Variants in HECW2 observed in about 807,000 individuals in gnomAD.
HECW2 encodes E3 ubiquitin-protein ligase HECW2.
HECW2 carries 61 observed loss-of-function variants against 175.2 expected under a neutral mutation model. The observed-to-expected ratio is 0.35, with a 90% CI of 0.28 to 0.43. The LOEUF (loss-of-function observed/expected upper bound fraction) is 0.43, where lower values mean the gene tolerates loss of function less well. Among genes scored for constraint, HECW2 ranks in the 20% least tolerant of loss-of-function variants. The pLI, the probability that HECW2 is intolerant of heterozygous loss-of-function variation, is 1.00. For missense variants in HECW2, 1,524 were observed against 2,000.5 expected, an observed-to-expected ratio of 0.76 and a Z score of 4.54; for synonymous variants, 671 against 731.0, an observed-to-expected ratio of 0.92 and a Z score of 1.32.
intron 16 of HECW2, among the ~76,000 whole-genome samples, chr2:196,272,214 C>A (rs1362556423): frequency 6.6e-6 from 1 of 152,154 alleles, no homozygotes; most frequent in Admixed American, 6.6e-5. Flanking sequence ...CATTAAGCCA[C>A]AAATAGCTCT....
intron 2 of HECW2, among the ~76,000 whole-genome samples, chr2:196,414,251 C>G (rs530810200): frequency 1.3e-5 from 2 of 152,324 alleles, no homozygotes; most frequent in South Asian, 4.1e-4. Context: ...CAACATTTCC[C>G]CCAACAGCAC....
In HECW2 at chr2:196,274,114, C is replaced by T. The variant is rs752907605; in HGVS notation, c.3145G>A (p.Asp1049Asn). ...ACTGGTGGTCCTGCATGTCGAGAAT[C>T]TTCTCCTACCTGCAAACAGAAGCAT... ...RSHSAGEVGE[D>N]SRHAGPPVLP... Residue 1049 changes from aspartate to asparagine, a missense_variant, in exon 16 of 29, where the codon GAT (aspartate) becomes AAT (asparagine). By Grantham distance (23) the Asp-to-Asn change is conservative. Around this residue, in one of 11 missense-constraint regions of HECW2, gnomAD observed 291 missense variants for 412.2 expected, o/e 0.71. Coordinates refer to ENST00000644978, the MANE Select transcript of HECW2 (RefSeq NM_001348768.2). The T allele has an allele frequency of 6.2e-7, 1 of 1,612,894 alleles. No homozygotes were observed. The highest frequency in any genetic ancestry group is 8.5e-7 in the Non-Finnish European group (1 of 1,178,888).
At position 196,324,974 on chromosome 2, in the gene HECW2, T is replaced by C. The variant is rs1473067795; in HGVS notation, c.741+6A>G. On this transcript the variant is annotated splice_donor_region_variant and intron_variant, in intron 6 of 28. Coordinates refer to ENST00000644978, the MANE Select transcript of HECW2 (RefSeq NM_001348768.2). ...TCAAGTAGGAGACCCCCGAGGATCA[T>C]CTTACCTCTCGGTGCCAAATTGGAT... 3 of 1,563,254 alleles carry C rather than the reference T, an allele frequency of 1.9e-6. No homozygotes were observed. Among genetic ancestry groups the C allele is most frequent in the Non-Finnish European group, 2.6e-6 (3 of 1,158,968 alleles).
intron 1 of HECW2, among the ~76,000 whole-genome samples, chr2:196,519,920 A>G (rs1293099340): frequency 1.3e-5 from 2 of 152,202 alleles, no homozygotes; most frequent in Non-Finnish European, 2.9e-5. Flanking sequence ...CTTCCCTCCA[A>G]TCCACACTAG....
At chr2:196,245,043 C>A (rs1485429074) in intron 19 of HECW2, among the ~76,000 whole-genome samples, 1 of 152,030 alleles carries the variant, frequency 6.6e-6, no homozygotes, top group Non-Finnish European at 1.5e-5. Flanking sequence ...GGAGTTGTTG[C>A]AGTAATTGAA....
chr2:196,243,650 G>A (rs983473827), intron 19 of HECW2, among the ~76,000 whole-genome samples: 3 of 151,342 alleles, frequency 2.0e-5, no homozygotes, highest in Non-Finnish European at 4.4e-5. Context: ...GTGTGATCTC[G>A]GCTAACCCAA....
intron 2 of HECW2, among the ~76,000 whole-genome samples, chr2:196,403,581 T>C (rs1444892229): frequency 6.6e-6 from 1 of 152,246 alleles, no homozygotes; most frequent in Non-Finnish European, 1.5e-5. Flanking sequence ...ACATTATTTA[T>C]TTAAGAAGAC....
rs554072486 is a variant in HECW2 at position 196,198,699 on chromosome 2, G to A, written c.*2578C>T. Reference sequence around the variant, plus strand: ...GAAAGCCTAGTTATCTGGGTTCACAGTCCAGAAGAAAATATTTATGGATAT... The same window carrying A: ...GAAAGCCTAGTTATCTGGGTTCACAATCCAGAAGAAAATATTTATGGATAT... On this transcript the variant is annotated 3_prime_UTR_variant, in exon 29 of 29. Coordinates refer to ENST00000644978, the MANE Select transcript of HECW2 (RefSeq NM_001348768.2). 1.3e-5 allele frequency: 2 copies of A among 152,294 alleles called. No individual in the cohort carries two copies. The highest frequency in any genetic ancestry group is 4.8e-5 in the African/African-American group (2 of 41,570). The allele number at this position is 152,294 out of a possible 1,614,324, so 9.4% of individuals were successfully genotyped here.
chr2:196,498,819 TTCC>T, intron 1 of HECW2, among the ~76,000 whole-genome samples: 1 of 152,162 alleles, frequency 6.6e-6, no homozygotes, highest in Admixed American at 6.5e-5. Flanking sequence ...GATTTATAAC[TTCC>T]TCAATTGCTT....
In HECW2 at chr2:196,470,365, G is replaced by A. The variant is rs543190580; in HGVS notation, c.-35-36907C>T. On this transcript the variant is annotated intron_variant, in intron 1 of 28. Coordinates refer to ENST00000644978, the MANE Select transcript of HECW2 (RefSeq NM_001348768.2). ...AAGTAAATAAATGGGTCATAGTAAGGCTGATTTGTTAACACTGCTAAATTT... is the reference window on the plus strand; with the variant it reads ...AAGTAAATAAATGGGTCATAGTAAGACTGATTTGTTAACACTGCTAAATTT... Among the ~76,000 whole-genome samples the A allele has an allele frequency of 1.1e-3, 171 of 152,148 alleles. 1 individual carries two copies. Among genetic ancestry groups the A allele is most frequent in the African/African-American group, 4.1e-3 (170 of 41,536 alleles).
At chr2:196,499,967 A>G (rs1250389170) in intron 1 of HECW2, among the ~76,000 whole-genome samples, 1 of 152,166 alleles carries the variant, frequency 6.6e-6, no homozygotes, top group Non-Finnish European at 1.5e-5. Context: ...TATTACATTT[A>G]TACTCTTTTC....
intron 1 of HECW2, among the ~76,000 whole-genome samples, chr2:196,494,832 T>C (rs1687333713): frequency 6.6e-6 from 1 of 152,204 alleles, no homozygotes; most frequent in African/African-American, 2.4e-5. Context: ...GAGCATTTGA[T>C]GAGGCTGCTG....
At chr2:196,311,519 G>A (rs762707366) in intron 10 of HECW2, among the ~76,000 whole-genome samples, 11 of 152,138 alleles carry the variant, frequency 7.2e-5, no homozygotes, top group Non-Finnish European at 1.5e-4. Context: ...CTCAGCGGCC[G>A]GGTGCGGTGG....
chr2:196,280,263 A>G (rs1690135758), intron 14 of HECW2, among the ~76,000 whole-genome samples: 1 of 152,230 alleles, frequency 6.6e-6, no homozygotes, highest in South Asian at 2.1e-4. Context: ...TGACCTTTCA[A>G]ACCAATGGAG....
intron 28 of HECW2, among the ~76,000 whole-genome samples, chr2:196,202,628 A>G (rs921673729): frequency 6.6e-6 from 1 of 152,202 alleles, no homozygotes; most frequent in Non-Finnish European, 1.5e-5. Context: ...TACTATCAAC[A>G]AGATTTGACT....
intron 1 of HECW2, among the ~76,000 whole-genome samples, chr2:196,437,533 A>G (rs1695912981): frequency 7.1e-6 from 1 of 140,428 alleles, no homozygotes; most frequent in Admixed American, 8.0e-5. Context: ...AATCGCTTGA[A>G]CCAGGGAGGT....
intron 1 of HECW2, among the ~76,000 whole-genome samples, chr2:196,514,746 G>A (rs1688087621): frequency 6.6e-6 from 1 of 152,088 alleles, no homozygotes; most frequent in Non-Finnish European, 1.5e-5. Flanking sequence ...TCATTGGGAC[G>A]ACCTGCTTGC....
intron 17 of HECW2, among the ~76,000 whole-genome samples, chr2:196,268,779 A>T (rs1022181146): frequency 6.6e-6 from 1 of 152,212 alleles, no homozygotes; most frequent in African/African-American, 2.4e-5. Flanking sequence ...AGAGAGAGAA[A>T]ATAGAGTTCC....
Position 196,253,906 on chromosome 2 carries a change from G to A in HECW2, c.3529+14C>T. 3 of 1,609,004 alleles carry A rather than the reference G, an allele frequency of 1.9e-6. No homozygotes were observed. Among genetic ancestry groups the A allele is most frequent in the Non-Finnish European group, 2.6e-6 (3 of 1,175,440 alleles). The stretch of plus-strand genomic sequence containing the variant: ...CTCCTCAGAGAATTCACTGTGAGCA[G>A]CAGGTGGACTCACCTGGCGAGTTCT... On this transcript the variant is annotated intron_variant, in intron 19 of 28. Transcript: ENST00000644978.
Sources: allele counts gnomAD v4.1 joint callset (sites outside exome capture counted in the v4.1 genomes callset), GRCh38; gene constraint gnomAD v4.1.1; regional missense constraint gnomAD v4.1.1; transcripts MANE v1.5; gene names NCBI Gene and HGNC (gene_info 2026-07-23, HGNC 2026-07-21).